ARHGAP30: variants seen among roughly 807,000 people sequenced by gnomAD.
The protein encoded by ARHGAP30 is rho GTPase-activating protein 30.
A neutral mutation model predicts 72.0 loss-of-function variants in ARHGAP30; 23 were observed. That is an observed-to-expected ratio of 0.32 (90% CI 0.23 to 0.45). The LOEUF is 0.45. Ranked by LOEUF, ARHGAP30 falls within the 20% of genes least tolerant of loss-of-function variation. The pLI, the probability that ARHGAP30 is intolerant of heterozygous loss-of-function variation, is 1.00. For synonymous variants in ARHGAP30, 576 were observed against 528.2 expected (o/e 1.09, Z -1.24); for missense variants, 1,319 against 1,383.4 (o/e 0.95, Z 0.74).
Position 161,048,661 on chromosome 1 carries a change from T to C in ARHGAP30, c.2360A>G (p.Gln787Arg), listed in dbSNP as rs1350952532. 1.2e-6 allele frequency: 2 copies of C among 1,614,062 alleles called. No individual in the cohort carries two copies. Among genetic ancestry groups the C allele is most frequent in the African/African-American group, 2.7e-5 (2 of 74,904 alleles). Residue 787 changes from glutamine (Q) to arginine (R), a missense_variant, in exon 12 of 12, where the codon CAG (glutamine) becomes CGG (arginine). Physicochemically the swap from Gln to Arg is conservative, Grantham distance 43 (BLOSUM62 1). Coordinates refer to ENST00000368013, the MANE Select transcript of ARHGAP30 (RefSeq NM_001025598.2). ...TCTGACTCCCTCAGCCTCTTGTTTC[T>C]GTACAACTTCCCATTTCTCCTCAGC... is the stretch of plus-strand genomic sequence containing the variant. ...QVAEEKWEVV[Q>R]KQEAEGVRED...
At chr1:161,051,775 C>G in intron 9 of ARHGAP30, 60 bp from the exon 10 acceptor site, 2 of 1,477,246 alleles carry the variant, frequency 1.4e-6, no homozygotes, top group Non-Finnish European at 1.8e-6. Context: ...GCCTAGACAT[C>G]TCAAGAAGGC....
chr1:161,052,813 G>A lies in ARHGAP30; in HGVS notation c.665-16C>T, dbSNP rs753531131. ...ACCTCACCACCTGGGAAAAGAAAAG[G>A]AATTGGCCAGCCAGGAACAGAGCCA... On this transcript the variant is annotated splice_polypyrimidine_tract_variant and intron_variant, in intron 6 of 11. Coordinates refer to ENST00000368013, the MANE Select transcript of ARHGAP30 (RefSeq NM_001025598.2). 1.9e-6 allele frequency: 3 copies of A among 1,608,398 alleles called. No homozygotes were observed. Among genetic ancestry groups the A allele is most frequent in the Non-Finnish European group, 2.5e-6 (3 of 1,178,024 alleles).
chr1:161,067,785 A>AT (rs1183744140), intron 1 of ARHGAP30, among the ~76,000 whole-genome samples: 2 of 152,058 alleles, frequency 1.3e-5, no homozygotes, highest in Non-Finnish European at 2.9e-5. Flanking sequence ...CTCTGCTCTC[A>AT]TTTTTTTGTG....
intron 5 of ARHGAP30, among the ~76,000 whole-genome samples, chr1:161,054,092 G>C (rs1201662253): frequency 6.6e-6 from 1 of 152,020 alleles, no homozygotes; most frequent in Non-Finnish European, 1.5e-5. Context: ...AATTGATATG[G>C]AACTGTTATG....
chr1:161,064,151 T>C (rs1302746065), intron 1 of ARHGAP30, among the ~76,000 whole-genome samples: 3 of 152,234 alleles, frequency 2.0e-5, no homozygotes, highest in African/African-American at 4.8e-5. Flanking sequence ...AATAAAAACT[T>C]GCTGGTTTTT....
chr1:161,052,634 T>C lies in ARHGAP30; in HGVS notation c.828A>G (p.Ala276=). 1 of 1,613,948 alleles carries C rather than the reference T, an allele frequency of 6.2e-7. No homozygotes were observed. The change falls in exon 7 of 12, where the codon GCA becomes GCG. Residue 276 remains alanine (A), a synonymous_variant. Transcript: ENST00000368013. ...CAGGAAGGAGGCCTTACTTGTGCTCTGCAATCTCGATGATAGTATGGTAGG... is the reference window on the plus strand; with the variant it reads ...CAGGAAGGAGGCCTTACTTGTGCTCCGCAATCTCGATGATAGTATGGTAGG... ...MRPYHTIIEI[A]EHKRKGSLKV...
intron 2 of ARHGAP30, among the ~76,000 whole-genome samples, chr1:161,056,955 A>G (rs1297400684): frequency 6.6e-6 from 1 of 152,190 alleles, no homozygotes; most frequent in African/African-American, 2.4e-5. Context: ...TAGATATGAT[A>G]CTAAAAGCAC....
At chr1:161,062,535 C>A (rs1571114695) in intron 1 of ARHGAP30, among the ~76,000 whole-genome samples, 1 of 151,950 alleles carries the variant, frequency 6.6e-6, no homozygotes, top group East Asian at 1.9e-4. Context: ...TTGAGACCAG[C>A]CTGGCCAACA....
At chr1:161,057,118 G>T (rs895424138) in intron 2 of ARHGAP30, among the ~76,000 whole-genome samples, 5 of 151,780 alleles carry the variant, frequency 3.3e-5, no homozygotes, top group South Asian at 2.1e-4. Flanking sequence ...AACATATAAA[G>T]AACTCTTGTA....
At chr1:161,062,536 C>G (rs1652386590) in intron 1 of ARHGAP30, among the ~76,000 whole-genome samples, 1 of 151,998 alleles carries the variant, frequency 6.6e-6, no homozygotes, top group Admixed American at 6.6e-5. Flanking sequence ...TGAGACCAGC[C>G]TGGCCAACAT....
In ARHGAP30 at chr1:161,054,352, A is replaced by T; in HGVS notation, c.536+14T>A. 1 of 1,611,152 alleles carries T rather than the reference A, an allele frequency of 6.2e-7. No individual in the cohort carries two copies. Among genetic ancestry groups the T allele is most frequent in the Non-Finnish European group, 8.5e-7 (1 of 1,178,394 alleles). The stretch of plus-strand genomic sequence containing the variant: ...CTCACAGGATCCCCATACACTGCTC[A>T]CACAGGCACCTACCTCAGCAGGTTG... On this transcript the variant is annotated intron_variant, in intron 5 of 11. Transcript: ENST00000368013.
At chr1:161,051,276 T>C in intron 10 of ARHGAP30, 38 bp downstream of exon 10, 4 of 1,531,636 alleles carry the variant, frequency 2.6e-6, no homozygotes, top group Non-Finnish European at 3.5e-6. Flanking sequence ...AGAGTTCCAG[T>C]CCCCTTTCCT....
intron 1 of ARHGAP30, among the ~76,000 whole-genome samples, chr1:161,064,831 G>A (rs769193954): frequency 2.7e-5 from 2 of 73,834 alleles, no homozygotes; most frequent in East Asian, 5.6e-4. Context: ...AAGAAAGAAA[G>A]AGAAAGAAAG....
intron 2 of ARHGAP30, among the ~76,000 whole-genome samples, chr1:161,059,056 T>C (rs186358893): frequency 1.3e-5 from 2 of 151,700 alleles, no homozygotes; most frequent in Non-Finnish European, 2.9e-5. Flanking sequence ...TGAAATGGAG[T>C]CTCACTCTGT....
At chr1:161,050,639 G>T (rs1441267808) in intron 10 of ARHGAP30, among the ~76,000 whole-genome samples, 54 of 135,854 alleles carry the variant, frequency 4.0e-4, no homozygotes, top group East Asian at 1.1e-3. Flanking sequence ...ACTGTTTTTT[G>T]TTTTTTTTTT....
chr1:161,052,235 C>A (rs548908681), intron 9 of ARHGAP30, 51 bp downstream of exon 9: 1 of 1,599,196 alleles, frequency 6.3e-7, no homozygotes, highest in East Asian at 2.2e-5. Flanking sequence ...CAAGCCCACG[C>A]TGGTCACATA....
chr1:161,056,108 C>T (rs926682748), intron 3 of ARHGAP30, among the ~76,000 whole-genome samples: 4 of 152,022 alleles, frequency 2.6e-5, no homozygotes, highest in Non-Finnish European at 5.9e-5. Flanking sequence ...CTGACCTCTA[C>T]CTCCCCAAGT....
In ARHGAP30 at chr1:161,051,358, G is replaced by A. The variant is rs778544481; in HGVS notation, c.1376C>T (p.Ala459Val). The A allele has an allele frequency of 1.2e-6, 2 of 1,612,506 alleles. No homozygotes were observed. Among genetic ancestry groups the A allele is most frequent in the Middle Eastern group, 3.3e-4 (2 of 6,060 alleles). The stretch of plus-strand genomic sequence containing the variant: ...GCCAGGGCCAGGGCCAGGGCCAGAG[G>A]CAGGGCTTGGCCGGTGCTGTAGAGC... ...CPALQHRPSP[A>V]SGPGPGPGLG... The change falls in exon 10 of 12, where the codon GCC (alanine) becomes GTC (valine). Residue 459 changes from alanine (A) to valine (V), a missense_variant. Physicochemically the swap from Ala to Val is moderately conservative, Grantham distance 64. Coordinates refer to ENST00000368013, the MANE Select transcript of ARHGAP30 (RefSeq NM_001025598.2).
At chr1:161,064,782 AG>A (rs1217395584) in intron 1 of ARHGAP30, among the ~76,000 whole-genome samples, 1 of 69,892 alleles carries the variant, frequency 1.4e-5, no homozygotes, top group Non-Finnish European at 2.6e-5. Context: ...AGAAAGAAAA[AG>A]AAAGAAAGAA....
Sources: gnomAD v4.1 joint callset for allele counts (sites outside exome capture counted in the v4.1 genomes callset) on GRCh38, gnomAD v4.1.1 for gene constraint, MANE v1.5 for transcripts, NCBI Gene and HGNC (gene_info 2026-07-23, HGNC 2026-07-21) for gene names.